Variants in PCDHGA2 observed in about 807,000 individuals in gnomAD.
The protein encoded by PCDHGA2 is protocadherin gamma-A2.
PCDHGA2 carries 40 observed loss-of-function variants against 59.2 expected under a neutral mutation model. The ratio of observed to expected loss-of-function variants is 0.68; its 90% CI spans 0.52 to 0.88. The LOEUF (loss-of-function observed/expected upper bound fraction) is 0.88, where lower values mean the gene tolerates loss of function less well. Ranked by LOEUF, PCDHGA2 falls within the 40% of genes least tolerant of loss-of-function variation. The probability of loss-of-function intolerance (pLI) is 0.00; values close to 1 mark genes in which losing one functional copy is unlikely to be tolerated. For synonymous variants in PCDHGA2, 560 were observed against 526.0 expected (o/e 1.06, Z -0.89); for missense variants, 1,226 against 1,204.0 (o/e 1.02, Z -0.27).
At chr5:141,360,637 C>A (rs1326882872) in intron 1 of PCDHGA2, 1 of 1,614,018 alleles carries the variant, frequency 6.2e-7, no homozygotes, top group Non-Finnish European at 8.5e-7. Context: ...TAACTCACTA[C>A]AAAGATACCA....
In PCDHGA2 at chr5:141,339,014, C is replaced by G; in HGVS notation, c.43C>G (p.Leu15Val). The change falls in exon 1 of 4, where the codon CTG becomes GTG. Residue 15 changes from leucine (L) to valine (V), a missense_variant. Leu to Val is a conservative substitution (Grantham distance 32). Coordinates refer to ENST00000394576, the MANE Select transcript of PCDHGA2 (RefSeq NM_018915.4). ...GTTGCCACACTGCAGAAAGCTGGTC[C>G]TGCTGTGCTTCCTTTTGGCGACCCT... is the stretch of plus-strand genomic sequence containing the variant. ...QKLPHCRKLVLLCFLLATLWE... is the reference protein window; with the variant it reads ...QKLPHCRKLVVLCFLLATLWE... 1.3e-6 allele frequency: 2 copies of G among 1,585,866 alleles called. No homozygotes were observed. The highest frequency in any genetic ancestry group is 1.7e-6 in the Non-Finnish European group (2 of 1,162,866).
At chr5:141,383,174 G>A in intron 1 of PCDHGA2, 6 of 1,614,084 alleles carry the variant, frequency 3.7e-6, no homozygotes, top group South Asian at 2.2e-5. Flanking sequence ...AGGATAGACC[G>A]GGAAGAGATC....
At chr5:141,369,395 G>A (rs1766207987) in intron 1 of PCDHGA2, among the ~76,000 whole-genome samples, 1 of 152,102 alleles carries the variant, frequency 6.6e-6, no homozygotes, top group Non-Finnish European at 1.5e-5. Context: ...TTTGGGCCAG[G>A]GTGGTTCATG....
rs756503177 is a variant in PCDHGA2 at position 141,364,980 on chromosome 5, G to A, written c.2424+23585G>A. ...GACCTCCTCCTCACAGCTTTAGATG[G>A]CGGAGACCCGGTACTCTCCGGCACC... On this transcript the variant is annotated intron_variant, in intron 1 of 3. Coordinates refer to ENST00000394576, the MANE Select transcript of PCDHGA2 (RefSeq NM_018915.4). 6 of 1,613,754 alleles carry A rather than the reference G, an allele frequency of 3.7e-6. No homozygotes were observed. The African/African-American group carries it at 4.0e-5, about 11-fold the overall frequency.
intron 1 of PCDHGA2, chr5:141,389,967 G>C: frequency 8.7e-6 from 14 of 1,614,046 alleles, no homozygotes; most frequent in Non-Finnish European, 1.1e-5. Context: ...GGTGGCCTTG[G>C]CCTTGATCTC....
chr5:141,492,894 G>A (rs2099744893), intron 1 of PCDHGA2, among the ~76,000 whole-genome samples: 1 of 152,202 alleles, frequency 6.6e-6, no homozygotes, highest in Admixed American at 6.5e-5. Flanking sequence ...GGCTTTTGGC[G>A]CCGTCGTGAT....
chr5:141,433,277 T>G, intron 1 of PCDHGA2: 1 of 1,231,982 alleles, frequency 8.1e-7, no homozygotes. Flanking sequence ...CACTGCAGCC[T>G]CAAACTCCTA....
At chr5:141,394,851 C>T in intron 1 of PCDHGA2, 1 of 1,613,824 alleles carries the variant, frequency 6.2e-7, no homozygotes, top group Non-Finnish European at 8.5e-7. Context: ...CAGTCTGAAG[C>T]CTTCGGTCGA....
At chr5:141,495,007 G>A in intron 2 of PCDHGA2, 142 bp downstream of exon 2, 4 of 1,522,158 alleles carry the variant, frequency 2.6e-6, no homozygotes, top group Non-Finnish European at 3.5e-6. Context: ...TTGGTGTGCG[G>A]GGGGCTGGCA....
intron 1 of PCDHGA2, chr5:141,372,061 A>C: frequency 1.2e-6 from 2 of 1,613,572 alleles, no homozygotes; most frequent in Non-Finnish European, 1.7e-6. Context: ...GACGACCGCA[A>C]CGACAATGCA....
chr5:141,469,918 G>T (rs2099215604), intron 1 of PCDHGA2, among the ~76,000 whole-genome samples: 2 of 152,148 alleles, frequency 1.3e-5, no homozygotes, highest in African/African-American at 4.8e-5. Context: ...ACCACCCGAG[G>T]TCAGGAGTTT....
intron 1 of PCDHGA2, chr5:141,410,555 C>G: frequency 1.2e-6 from 2 of 1,613,202 alleles, no homozygotes; most frequent in Non-Finnish European, 1.7e-6. Flanking sequence ...CAGTGTTTCT[C>G]CTGGAGCCTT....
chr5:141,385,267 T>G lies in PCDHGA2; in HGVS notation c.2424+43872T>G, dbSNP rs965746690. On this transcript the variant is annotated intron_variant, in intron 1 of 3. Transcript: ENST00000394576. ...CCAGGAGAGCTGTGAGAAAAATGAT[T>G]CTTTGCTAACATCCGTAGATTTTCA... 10 of 1,614,058 alleles carry G rather than the reference T, an allele frequency of 6.2e-6. No individual in the cohort carries two copies. In the African/African-American group the frequency reaches 1.2e-4, roughly 19 times the overall value.
At chr5:141,342,470 A>G (rs1257369275) in intron 1 of PCDHGA2, 1 of 152,186 alleles carries the variant, frequency 6.6e-6, no homozygotes, top group Non-Finnish European at 1.5e-5. Context: ...ATTATCATGT[A>G]CCAATTGAGC....
At chr5:141,446,296 G>A (rs2098497546) in intron 1 of PCDHGA2, among the ~76,000 whole-genome samples, 1 of 152,160 alleles carries the variant, frequency 6.6e-6, no homozygotes, top group Non-Finnish European at 1.5e-5. Context: ...GGGGAGCAGG[G>A]ATTAAGAGTG....
intron 1 of PCDHGA2, among the ~76,000 whole-genome samples, chr5:141,368,255 T>G (rs1354188654): frequency 1.3e-5 from 2 of 152,202 alleles, no homozygotes; most frequent in Non-Finnish European, 2.9e-5. Context: ...GAAAGGTTAA[T>G]TGACACATTA....
chr5:141,438,619 TATATATATATATATATACACAC>T (rs1408639052), intron 1 of PCDHGA2, among the ~76,000 whole-genome samples: 61 of 39,666 alleles, frequency 1.5e-3, no homozygotes, highest in African/African-American at 9.2e-3. Context: ...TATATATATA[TATATATATATATATATACACAC>T]ACACACACAC....
Position 141,485,931 on chromosome 5 carries a change from A to C in PCDHGA2, c.2425-8876A>C, listed in dbSNP as rs761979804. 3 of 1,614,192 alleles carry C rather than the reference A, an allele frequency of 1.9e-6. No individual in the cohort carries two copies. In the South Asian group the frequency reaches 3.3e-5, roughly 18 times the overall value. On this transcript the variant is annotated intron_variant, in intron 1 of 3. Transcript: ENST00000394576. This position sits in a 1 kb window ranked among gnomAD's most constrained non-coding sequence, Gnocchi z 5.7. Reference sequence around the variant, plus strand: ...TCCAGCTACAGGATTAGTGTGTTGGAGAGCGCACCAGCGGGCATGGTGCTC... The same window carrying C: ...TCCAGCTACAGGATTAGTGTGTTGGCGAGCGCACCAGCGGGCATGGTGCTC...
chr5:141,389,286 T>C, intron 1 of PCDHGA2: 1 of 1,614,018 alleles, frequency 6.2e-7, no homozygotes, highest in Non-Finnish European at 8.5e-7. Context: ...GCCTGGAGCC[T>C]CTATTTCACA....
Sources: allele counts gnomAD v4.1 joint callset (sites outside exome capture counted in the v4.1 genomes callset), GRCh38; gene constraint gnomAD v4.1.1; non-coding constraint Gnocchi (gnomAD v3.1); transcripts MANE v1.5; gene names NCBI Gene and HGNC (gene_info 2026-07-23, HGNC 2026-07-21).